The following CDH4 variants were observed in gnomAD, a reference collection of about 807,000 sequenced individuals.
The protein encoded by CDH4 is cadherin 4.
A neutral mutation model predicts 86.0 loss-of-function variants in CDH4; 33 were observed. The observed-to-expected ratio is 0.38, with a 90% CI of 0.29 to 0.51. The LOEUF is 0.51. Ranked by LOEUF, CDH4 falls within the 20% of genes least tolerant of loss-of-function variation. CDH4 has a pLI of 0.86. For missense variants in CDH4, 1,114 were observed against 1,307.4 expected, an observed-to-expected ratio of 0.85 and a Z score of 2.28; for synonymous variants, 555 against 549.4, an observed-to-expected ratio of 1.01 and a Z score of -0.14.
At chr20:61,805,227 T>C (rs4925294) in intron 4 of CDH4, among the ~76,000 whole-genome samples, 118,552 of 152,166 alleles carry the variant, frequency 0.78, 46,429 homozygotes, top group African/African-American at 0.84. Context: ...CTACCCAAGC[T>C]ACTAGAACAG....
At chr20:61,905,003 A>C (rs2054773270) in intron 8 of CDH4, among the ~76,000 whole-genome samples, 1 of 152,196 alleles carries the variant, frequency 6.6e-6, no homozygotes, top group Admixed American at 6.5e-5. Context: ...TTTCTGCCTC[A>C]GAGCTGGGAT....
intron 2 of CDH4, among the ~76,000 whole-genome samples, chr20:61,539,704 G>A (rs555681766): frequency 3.3e-5 from 5 of 152,324 alleles, no homozygotes; most frequent in South Asian, 4.1e-4. Flanking sequence ...GCAGTGGTCC[G>A]CCAAGCATTG....
At chr20:61,457,064 C>A (rs1010440142) in intron 2 of CDH4, among the ~76,000 whole-genome samples, 6 of 152,152 alleles carry the variant, frequency 3.9e-5, no homozygotes, top group African/African-American at 1.4e-4. Flanking sequence ...TAAAAGAGAG[C>A]AAACCTGTGT....
chr20:61,850,588 G>A (rs992752289), intron 5 of CDH4, among the ~76,000 whole-genome samples: 2 of 152,184 alleles, frequency 1.3e-5, no homozygotes, highest in Non-Finnish European at 2.9e-5. Context: ...GCCAGACCAC[G>A]CCCATGTATT....
intron 2 of CDH4, among the ~76,000 whole-genome samples, chr20:61,668,926 G>T (rs933526419): frequency 1.3e-5 from 2 of 152,198 alleles, no homozygotes; most frequent in Non-Finnish European, 2.9e-5. Context: ...TCAGAGCACC[G>T]TCCGCCAGCC....
At chr20:61,346,758 T>A (rs2123292033) in intron 2 of CDH4, among the ~76,000 whole-genome samples, 1 of 147,692 alleles carries the variant, frequency 6.8e-6, no homozygotes, top group South Asian at 2.2e-4. Flanking sequence ...AAAAAAAAAA[T>A]TAACCCCTCT....
intron 2 of CDH4, among the ~76,000 whole-genome samples, chr20:61,674,063 G>A (rs1199961655): frequency 1.3e-5 from 2 of 152,214 alleles, no homozygotes; most frequent in African/African-American, 4.8e-5. Context: ...AGGGCTGCCT[G>A]GTTTTGGGGG....
rs142959222 is a variant in CDH4 at position 61,582,793 on chromosome 20, C to T, written c.170-160770C>T. ...AACAGTTTTATTAAGGTGTAATTTA[C>T]ATGCCCTACACTCCACTCATCTAAG... On this transcript the variant is annotated intron_variant, in intron 2 of 15. Coordinates refer to ENST00000614565, the MANE Select transcript of CDH4 (RefSeq NM_001794.5). This position sits in a 1 kb window ranked among gnomAD's most constrained non-coding sequence, Gnocchi z 4.2. Among the ~76,000 whole-genome samples, 1,005 of 152,296 alleles carry T rather than the reference C, an allele frequency of 6.6e-3. 10 individuals are homozygous for T. The highest frequency in any genetic ancestry group is 0.022 in the African/African-American group (898 of 41,572).
intron 2 of CDH4, among the ~76,000 whole-genome samples, chr20:61,513,670 CTG>C (rs1192813734): frequency 1.3e-5 from 2 of 152,210 alleles, no homozygotes; most frequent in African/African-American, 4.8e-5. Flanking sequence ...TTTCTTTTCT[CTG>C]AAACACAATT....
chr20:61,760,034 C>G (rs2145968286), intron 3 of CDH4, among the ~76,000 whole-genome samples: 1 of 152,378 alleles, frequency 6.6e-6, no homozygotes, highest in Non-Finnish European at 1.5e-5. Flanking sequence ...CTCCTTTCTT[C>G]TGCTAGACAG....
At chr20:61,903,826 A>G (rs1322701538) in intron 8 of CDH4, among the ~76,000 whole-genome samples, 6 of 152,154 alleles carry the variant, frequency 3.9e-5, no homozygotes, top group Admixed American at 6.5e-5. Flanking sequence ...GAACAATAAT[A>G]TAATCCCCTC....
chr20:61,656,273 TG>T, intron 2 of CDH4, among the ~76,000 whole-genome samples: 1 of 82,506 alleles, frequency 1.2e-5, no homozygotes, highest in East Asian at 3.1e-4. Flanking sequence ...AGGCGCGTGC[TG>T]GGGTGGGCAG....
At chr20:61,525,014 T>C (rs1260498037) in intron 2 of CDH4, among the ~76,000 whole-genome samples, 1 of 152,204 alleles carries the variant, frequency 6.6e-6, no homozygotes, top group African/African-American at 2.4e-5. Flanking sequence ...ACCAGCTGGC[T>C]TCAATGCCAG....
intron 2 of CDH4, among the ~76,000 whole-genome samples, chr20:61,295,734 A>G (rs1233712771): frequency 6.6e-6 from 1 of 152,098 alleles, no homozygotes. Context: ...AAAGCGGGGA[A>G]GGAGGCGGTG....
At chr20:61,920,111 A>G (rs1242942208) in intron 9 of CDH4, among the ~76,000 whole-genome samples, 3 of 624 alleles carry the variant, frequency 4.8e-3, no homozygotes, top group African/African-American at 9.3e-3. Context: ...TTGTGATTGG[A>G]AGCGTGTCAC....
intron 7 of CDH4, among the ~76,000 whole-genome samples, chr20:61,884,089 G>T (rs1468616141): frequency 6.6e-6 from 1 of 152,114 alleles, no homozygotes; most frequent in Admixed American, 6.5e-5. Flanking sequence ...GTTTTCTCTG[G>T]GTTTGATCCA....
rs538095192 is a variant in CDH4, at chr20:61,936,486, C to T, written c.2545-251C>T. 1.2e-4 allele frequency among the ~76,000 whole-genome samples: 17 copies of T among 139,024 alleles called. No homozygotes were observed. The South Asian group carries it at 1.5e-3, about 12-fold the overall frequency. 91.2% of individuals were successfully genotyped at this position (139,024 alleles called of 152,430 possible). On this transcript the variant is annotated intron_variant, in intron 15 of 15. Transcript: ENST00000614565. The stretch of plus-strand genomic sequence containing the variant: ...CAGCCACGGGCCCTGCCCAACCCTC[C>T]GCCTCCCCTGCCCACAGACTGCTGC...
At chr20:61,485,342 C>G (rs1203327207) in intron 2 of CDH4, among the ~76,000 whole-genome samples, 1 of 152,234 alleles carries the variant, frequency 6.6e-6, no homozygotes, top group Admixed American at 6.5e-5. Flanking sequence ...GCACCACACT[C>G]TCTCCAAGAA....
chr20:61,458,698 G>A (rs924639119), intron 2 of CDH4, among the ~76,000 whole-genome samples: 1 of 152,056 alleles, frequency 6.6e-6, no homozygotes, highest in Non-Finnish European at 1.5e-5. Flanking sequence ...ATGGTGATGG[G>A]TGTAGTGGGG....
Sources: gnomAD v4.1 joint callset for allele counts (sites outside exome capture counted in the v4.1 genomes callset) on GRCh38, gnomAD v4.1.1 for gene constraint, Gnocchi (gnomAD v3.1) non-coding constraint, MANE v1.5 for transcripts, NCBI Gene and HGNC (gene_info 2026-07-23, HGNC 2026-07-21) for gene names.